DSP: variants seen among roughly 807,000 people sequenced by gnomAD.
DSP encodes the protein 250/210 kDa paraneoplastic pemphigus antigen.
A neutral mutation model predicts 290.6 loss-of-function variants in DSP; 114 were observed. The ratio of observed to expected loss-of-function variants is 0.39; its 90% CI spans 0.34 to 0.46. The LOEUF is 0.46. DSP is among the 20% of genes least tolerant of loss of function. The pLI is 0.99. For missense variants in DSP, 3,230 were observed against 3,495.8 expected (o/e 0.92, Z 1.92); for synonymous variants, 1,311 against 1,316.4 (o/e 1.00, Z 0.09).
chr6:7,574,094 G>A lies in DSP; in HGVS notation c.2139G>A (p.Gln713=). 6.2e-7 allele frequency: 1 copy of A among 1,614,074 alleles called. No homozygotes were observed. The change falls in exon 16 of 24, where the codon CAG becomes CAA. Residue 713 remains glutamine (Q), a synonymous_variant. Coordinates refer to ENST00000379802, the MANE Select transcript of DSP (RefSeq NM_004415.4). The stretch of plus-strand genomic sequence containing the variant: ...TCCTTCATTTTTGACAGAGTGTGCA[G>A]AATGATTCACAAGCAATTGCTGAGG... ...TVKINELKSV[Q]NDSQAIAEVL... is the part of the protein sequence containing the mutation.
rs557197041 is a variant in DSP at position 7,573,316 on chromosome 6, C to T, written c.2131-770C>T. 7.2e-5 allele frequency among the ~76,000 whole-genome samples: 11 copies of T among 152,172 alleles called. No homozygotes were observed. The East Asian group carries it at 7.7e-4, about 11-fold the overall frequency. ...TCCTGGGGCCAGGTGCGGTGGCTCA[C>T]GCCTGTAATCCCAGCACTTTGGGAG... On this transcript the variant is annotated intron_variant, in intron 15 of 23. Transcript: ENST00000379802.
intron 1 of DSP, among the ~76,000 whole-genome samples, chr6:7,542,851 A>G (rs540930300): frequency 6.6e-6 from 1 of 152,276 alleles, no homozygotes; most frequent in East Asian, 1.9e-4. Context: ...CTCCTTTTTA[A>G]AAACACCGGA....
In DSP at chr6:7,565,710, CT is replaced by C. The variant is rs555012096; in HGVS notation, c.939+192del. ...TGTGGAGGCCATTATCCTTAGCAAA[CT>C]TATGCGGGAACAGAAAACCAAATAC... is the stretch of plus-strand genomic sequence containing the variant. On this transcript the variant is annotated intron_variant, in intron 7 of 23. Transcript: ENST00000379802. The surrounding 1 kb of genome is among the most constrained non-coding windows in gnomAD (Gnocchi z 4.2). 778 of 687,380 alleles carry C rather than the reference CT, an allele frequency of 1.1e-3. 4 individuals are homozygous for C. The African/African-American group carries it at 0.013, about 11-fold the overall frequency. 42.6% of individuals were successfully genotyped at this position (687,380 alleles called of 1,614,324 possible).
At chr6:7,562,326 CAT>C (rs1320490666) in intron 4 of DSP, among the ~76,000 whole-genome samples, 1 of 150,138 alleles carries the variant, frequency 6.7e-6, no homozygotes, top group Admixed American at 6.6e-5. Context: ...TATATGCACA[CAT>C]ATGTTCTGTG....
chr6:7,566,424 G>A lies in DSP; in HGVS notation c.987G>A (p.Leu329=), dbSNP rs564435126. 162 of 1,613,832 alleles carry A rather than the reference G, an allele frequency of 1.0e-4. 1 individual carries two copies. The highest frequency in any genetic ancestry group is 8.2e-4 in the East Asian group (37 of 44,868). ...TTAAAGAAAAAGAGCTCAATAAGCT[G>A]AAACAAGAAAGTGACCAACTTGTCC... ...LEVKEKELNK[L]KQESDQLVLN... Residue 329 remains leucine, a synonymous_variant, in exon 8 of 24, where the codon CTG becomes CTA. Coordinates refer to ENST00000379802, the MANE Select transcript of DSP (RefSeq NM_004415.4).
Position 7,580,554 on chromosome 6 carries a change from C to G in DSP, c.4364C>G (p.Thr1455Ser). 6.2e-7 allele frequency: 1 copy of G among 1,614,112 alleles called. No individual in the cohort carries two copies. The highest frequency in any genetic ancestry group is 1.3e-5 in the African/African-American group (1 of 75,008). ...QQLEVELRQV[T>S]QMRTEESVRY... ...CTGGAGGTTGAGCTGAGACAAGTCA[C>G]TCAGATGCGAACAGAGGAGAGCGTA... The change falls in exon 23 of 24, where the codon ACT becomes AGT. Residue 1455 changes from threonine to serine, a missense_variant. Physicochemically the swap from Thr to Ser is moderately conservative, Grantham distance 58. This residue lies in a region of DSP where 1,714 missense variants were observed against 1,844.5 expected (regional missense o/e 0.93). Transcript: ENST00000379802. This position sits in a 1 kb window ranked among gnomAD's most constrained non-coding sequence, Gnocchi z 4.2.
intron 1 of DSP, among the ~76,000 whole-genome samples, chr6:7,548,078 C>T (rs992419059): frequency 2.6e-5 from 4 of 151,998 alleles, no homozygotes; most frequent in African/African-American, 7.2e-5. Context: ...CCCAGCCTAG[C>T]CAATATGGTG....
chr6:7,572,091 C>T (rs745694075), intron 15 of DSP, 23 bp downstream of exon 15: 15 of 1,582,080 alleles, frequency 9.5e-6, no homozygotes, highest in East Asian at 2.2e-5. Context: ...TAGTATTTTG[C>T]CTGGTTACCC....
At position 7,583,438 on chromosome 6, in the gene DSP, T is replaced by C. The variant is rs1263298339; in HGVS notation, c.6176T>C (p.Ile2059Thr). The C allele has an allele frequency of 6.2e-7, 1 of 1,614,158 alleles. No homozygotes were observed. Among genetic ancestry groups the C allele is most frequent in the East Asian group, 2.2e-5 (1 of 44,888 alleles). The change falls in exon 24 of 24, where the codon ATT becomes ACT. Residue 2059 changes from isoleucine (I) to threonine (T), a missense_variant. Coordinates refer to ENST00000379802, the MANE Select transcript of DSP (RefSeq NM_004415.4). This position sits in a 1 kb window ranked among gnomAD's most constrained non-coding sequence, Gnocchi z 4.0. ...LEAQAATGGIIDPHRNEKLTV... is the reference protein window; with the variant it reads ...LEAQAATGGITDPHRNEKLTV... ...GCCCAGGCAGCTACAGGTGGTATAA[T>C]TGATCCCCATCGGAATGAGAAGCTG... is the stretch of plus-strand genomic sequence containing the variant.
In DSP at chr6:7,572,038, C is replaced by T; in HGVS notation, c.2100C>T (p.His700=). The change falls in exon 15 of 24, where the codon CAC becomes CAT. Residue 700 remains histidine, a synonymous_variant. Coordinates refer to ENST00000379802, the MANE Select transcript of DSP (RefSeq NM_004415.4). ...NLPLADQGSS[H]HITVKINELK... Reference sequence around the variant, plus strand: ...CTCTAGCAGACCAGGGATCTTCTCACCACATCACAGTGAAAATTAACGAGC... The same window carrying T: ...CTCTAGCAGACCAGGGATCTTCTCATCACATCACAGTGAAAATTAACGAGC... 1.2e-6 allele frequency: 2 copies of T among 1,614,064 alleles called. No homozygotes were observed. The highest frequency in any genetic ancestry group is 2.2e-5 in the South Asian group (2 of 91,072).
intron 2 of DSP, among the ~76,000 whole-genome samples, chr6:7,557,744 ACT>A (rs372230771): frequency 4.4e-5 from 6 of 137,226 alleles, no homozygotes; most frequent in African/African-American, 1.5e-4. Flanking sequence ...TATAGGAAAA[ACT>A]CTGTGCATAA....
At chr6:7,573,336 T>C (rs933311804) in intron 15 of DSP, among the ~76,000 whole-genome samples, 27 of 152,136 alleles carry the variant, frequency 1.8e-4, no homozygotes, top group African/African-American at 5.8e-4. Context: ...CCCAGCACTT[T>C]GGGAGGCCGA....
At chr6:7,567,691 T>C in intron 9 of DSP, 90 bp from the exon 10 acceptor site, 3 of 1,590,780 alleles carry the variant, frequency 1.9e-6, no homozygotes, top group Non-Finnish European at 2.6e-6. Flanking sequence ...CAAAGAGATG[T>C]TTAGGGATGA....
Position 7,585,524 on chromosome 6 carries a change from G to A in DSP, c.8262G>A (p.Gly2754=), listed in dbSNP as rs187226788. The change falls in exon 24 of 24, where the codon GGG becomes GGA. Residue 2754 remains glycine, a synonymous_variant. Coordinates refer to ENST00000379802, the MANE Select transcript of DSP (RefSeq NM_004415.4). ...RISTEEAIRK[G]FIDGRAAQRL... is the part of the protein sequence containing the mutation. ...GCACCGAAGAAGCCATCCGGAAGGGGTTCATAGATGGCCGCGCCGCACAGA... is the reference window on the plus strand; with the variant it reads ...GCACCGAAGAAGCCATCCGGAAGGGATTCATAGATGGCCGCGCCGCACAGA... 1.1e-5 allele frequency: 18 copies of A among 1,614,192 alleles called. No homozygotes were observed. Among genetic ancestry groups the A allele is most frequent in the Non-Finnish European group, 1.4e-5 (17 of 1,180,042 alleles).
intron 17 of DSP, among the ~76,000 whole-genome samples, 200 bp downstream of exon 17, chr6:7,574,995 G>A (rs954207030): frequency 3.3e-5 from 5 of 152,168 alleles, no homozygotes; most frequent in African/African-American, 7.2e-5. Flanking sequence ...AAAGTAATTC[G>A]TGATGGGATT....
In DSP at chr6:7,571,913, A is replaced by G. The variant is rs1365256713; in HGVS notation, c.1975A>G (p.Arg659Gly). ...CCATAATAAAGTAATTGAAACCAAC[A>G]GAGAAAATGACAAGCAAGAAACATG... ...VNHNKVIETN[R>G]ENDKQETWML... Residue 659 changes from arginine (R) to glycine (G), a missense_variant, in exon 15 of 24, where the codon AGA becomes GGA. This residue lies in a region of DSP where 1,714 missense variants were observed against 1,844.5 expected (regional missense o/e 0.93). Coordinates refer to ENST00000379802, the MANE Select transcript of DSP (RefSeq NM_004415.4). 1 of 1,614,034 alleles carries G rather than the reference A, an allele frequency of 6.2e-7. No individual in the cohort carries two copies. The highest frequency in any genetic ancestry group is 1.3e-5 in the African/African-American group (1 of 74,912).
chr6:7,577,015 T>C lies in DSP; in HGVS notation c.2850T>C (p.Ile950=). 6.2e-7 allele frequency: 1 copy of C among 1,612,716 alleles called. No individual in the cohort carries two copies. Among genetic ancestry groups the C allele is most frequent in the Non-Finnish European group, 8.5e-7 (1 of 1,179,368 alleles). Residue 950 remains isoleucine (I), a synonymous_variant, in exon 20 of 24, where the codon ATT becomes ATC. Transcript: ENST00000379802. ...KRDKSEEVQK[I]AELCANSIKD... ...ACAAATCAGAGGAAGTACAAAAAAT[T>C]GCTGAACTTTGCGCCAATTCAATTA... is the stretch of plus-strand genomic sequence containing the variant.
At chr6:7,581,997 AT>A (rs1455019256) in intron 23 of DSP, among the ~76,000 whole-genome samples, 1 of 151,780 alleles carries the variant, frequency 6.6e-6, no homozygotes, top group African/African-American at 2.4e-5. Flanking sequence ...TGCTTAGATG[AT>A]TTTTTTGCAT....
intron 1 of DSP, among the ~76,000 whole-genome samples, chr6:7,549,850 G>T (rs1030881663): frequency 1.3e-5 from 2 of 151,924 alleles, no homozygotes; most frequent in Non-Finnish European, 2.9e-5. Flanking sequence ...AAAGTTAGGG[G>T]GCATGGTCCA....
Sources: allele counts gnomAD v4.1 joint callset (sites outside exome capture counted in the v4.1 genomes callset), GRCh38; gene constraint gnomAD v4.1.1; regional missense constraint gnomAD v4.1.1; non-coding constraint Gnocchi (gnomAD v3.1); transcripts MANE v1.5; gene names NCBI Gene and HGNC (gene_info 2026-07-23, HGNC 2026-07-21).